Variants in STK32B observed in about 807,000 individuals in gnomAD.
STK32B encodes the protein serine/threonine-protein kinase 32B.
In STK32B, 43 loss-of-function variants were observed where a neutral mutation model predicts 52.6. The observed-to-expected ratio is 0.82, with a 90% CI of 0.64 to 1.05. The LOEUF is 1.05. Ranked by LOEUF, STK32B falls within the 50% of genes least tolerant of loss-of-function variation. The probability of loss-of-function intolerance (pLI) is 0.00; values close to 1 mark genes in which losing one functional copy is unlikely to be tolerated. For synonymous variants in STK32B, 238 were observed against 204.3 expected, an observed-to-expected ratio of 1.17 and a Z score of -1.41; for missense variants, 621 against 534.6, an observed-to-expected ratio of 1.16 and a Z score of -1.59.
chr4:5,476,069 AT>A (rs535127320), intron 11 of STK32B, among the ~76,000 whole-genome samples: 77 of 147,438 alleles, frequency 5.2e-4, no homozygotes, highest in Non-Finnish European at 9.6e-4. Context: ...TAATTTTTGT[AT>A]TTTTTTTTTA....
chr4:5,370,279 G>T (rs1735143917), intron 4 of STK32B, among the ~76,000 whole-genome samples: 1 of 152,192 alleles, frequency 6.6e-6, no homozygotes, highest in African/African-American at 2.4e-5. Flanking sequence ...GTTCGCTGTG[G>T]TATTATCATT....
intron 3 of STK32B, among the ~76,000 whole-genome samples, chr4:5,255,485 C>G (rs776004401): frequency 1.1e-4 from 17 of 151,902 alleles, no homozygotes; most frequent in Non-Finnish European, 1.9e-4. Context: ...CCAGATAGCT[C>G]AACACATTTC....
At chr4:5,085,688 CT>C (rs1412483441) in intron 1 of STK32B, among the ~76,000 whole-genome samples, 1 of 152,140 alleles carries the variant, frequency 6.6e-6, no homozygotes, top group Non-Finnish European at 1.5e-5. Flanking sequence ...TTAGAAGTAA[CT>C]TTTTTGGAAC....
At chr4:5,358,875 T>C (rs1734354465) in intron 4 of STK32B, among the ~76,000 whole-genome samples, 1 of 152,172 alleles carries the variant, frequency 6.6e-6, no homozygotes. Context: ...CTGAGACTTC[T>C]AAGGAGTGGG....
At chr4:5,496,817 AAAC>A (rs899935171) in intron 11 of STK32B, among the ~76,000 whole-genome samples, 5 of 152,142 alleles carry the variant, frequency 3.3e-5, no homozygotes, top group Admixed American at 3.3e-4. Flanking sequence ...AAAAAAAAAA[AAAC>A]AGCATGAAGA....
intron 1 of STK32B, among the ~76,000 whole-genome samples, chr4:5,067,292 C>G (rs550561572): frequency 6.6e-6 from 1 of 152,282 alleles, no homozygotes; most frequent in East Asian, 1.9e-4. Context: ...TCCCCCAACA[C>G]ATGGGAATTA....
At chr4:5,484,835 C>G (rs2109208332) in intron 11 of STK32B, among the ~76,000 whole-genome samples, 1 of 152,228 alleles carries the variant, frequency 6.6e-6, no homozygotes, top group South Asian at 2.1e-4. Flanking sequence ...TTTTATTTCT[C>G]CTTCACTTAT....
intron 1 of STK32B, among the ~76,000 whole-genome samples, chr4:5,071,502 T>A (rs921882959): frequency 2.7e-4 from 41 of 152,186 alleles, no homozygotes; most frequent in Admixed American, 1.9e-3. Flanking sequence ...TTAAGTGGTA[T>A]AAGATATTTA....
chr4:5,455,330 C>T (rs1292661407), intron 7 of STK32B, among the ~76,000 whole-genome samples: 1 of 152,200 alleles, frequency 6.6e-6, no homozygotes, highest in Non-Finnish European at 1.5e-5. Flanking sequence ...AACATGTAGG[C>T]TCGATCACGT....
At chr4:5,374,991 G>A (rs1469208385) in intron 4 of STK32B, among the ~76,000 whole-genome samples, 1 of 152,186 alleles carries the variant, frequency 6.6e-6, no homozygotes, top group Non-Finnish European at 1.5e-5. Context: ...GAGGTAATTA[G>A]AAGGATTGAG....
chr4:5,109,382 A>G (rs1404371234), intron 1 of STK32B, among the ~76,000 whole-genome samples: 1 of 152,256 alleles, frequency 6.6e-6, no homozygotes, highest in Non-Finnish European at 1.5e-5. Context: ...CTTGCTGAAG[A>G]CAGACAGTGG....
At chr4:5,457,218 T>C (rs570502453) in intron 8 of STK32B, among the ~76,000 whole-genome samples, 136 of 147,916 alleles carry the variant, frequency 9.2e-4, no homozygotes, top group Non-Finnish European at 1.5e-3. Flanking sequence ...TTTTCTTTTT[T>C]TTTTTTTTTT....
chr4:5,278,933 G>A (rs1343436355), intron 3 of STK32B, among the ~76,000 whole-genome samples: 5 of 152,106 alleles, frequency 3.3e-5, no homozygotes, highest in Admixed American at 3.3e-4. Context: ...AGAACAGCAA[G>A]AAGGAAATCT....
intron 1 of STK32B, among the ~76,000 whole-genome samples, chr4:5,074,612 G>A (rs1489648281): frequency 6.6e-6 from 1 of 151,982 alleles, no homozygotes; most frequent in Admixed American, 6.6e-5. Flanking sequence ...GCTAGCATGT[G>A]TAAAGCACTA....
At chr4:5,152,891 T>C (rs920327605) in intron 2 of STK32B, among the ~76,000 whole-genome samples, 2 of 152,262 alleles carry the variant, frequency 1.3e-5, no homozygotes, top group Admixed American at 1.3e-4. Flanking sequence ...GGTGAGATCA[T>C]GTTGGGCTTC....
chr4:5,272,552 A>G (rs569096404), intron 3 of STK32B, among the ~76,000 whole-genome samples: 118 of 151,728 alleles, frequency 7.8e-4, no homozygotes, highest in African/African-American at 2.7e-3. Flanking sequence ...CTCTTTTTCT[A>G]TTGATTGGAA....
At chr4:5,321,977 C>G (rs1432848803) in intron 3 of STK32B, among the ~76,000 whole-genome samples, 10 of 135,782 alleles carry the variant, frequency 7.4e-5, no homozygotes, top group Non-Finnish European at 1.2e-4. Context: ...GTTTGAGTGG[C>G]TTCAAGACTC....
chr4:5,386,219 G>A lies in STK32B; in HGVS notation c.435-11988G>A, dbSNP rs367892968. ...ACTCTCCCCCTCTATTTCCCTCAGC[G>A]TATCATATTATGCAGTTTTATCTTT... On this transcript the variant is annotated intron_variant, in intron 4 of 11. Coordinates refer to ENST00000282908, the MANE Select transcript of STK32B (RefSeq NM_018401.3). This position sits in a 1 kb window ranked among gnomAD's most constrained non-coding sequence, Gnocchi z 4.5. 5.3e-5 allele frequency among the ~76,000 whole-genome samples: 8 copies of A among 151,980 alleles called. No homozygotes were observed. In the South Asian group the frequency reaches 8.3e-4, roughly 16 times the overall value.
At chr4:5,109,438 A>G (rs1328048256) in intron 1 of STK32B, among the ~76,000 whole-genome samples, 3 of 152,244 alleles carry the variant, frequency 2.0e-5, no homozygotes, top group East Asian at 3.8e-4. Flanking sequence ...GATATGTACT[A>G]GGAAAGAAAA....
Sources: gnomAD v4.1 joint callset for allele counts (sites outside exome capture counted in the v4.1 genomes callset) on GRCh38, gnomAD v4.1.1 for gene constraint, Gnocchi (gnomAD v3.1) non-coding constraint, MANE v1.5 for transcripts, NCBI Gene and HGNC (gene_info 2026-07-23, HGNC 2026-07-21) for gene names.